MACROD2: variants seen among roughly 807,000 people sequenced by gnomAD.
MACROD2 encodes the protein ADP-ribose glycohydrolase MACROD2.
In MACROD2, 36 loss-of-function variants were observed where a neutral mutation model predicts 70.4. The ratio of observed to expected loss-of-function variants is 0.51; its 90% confidence interval spans 0.39 to 0.68. The LOEUF (loss-of-function observed/expected upper bound fraction) is 0.68, where lower values mean the gene tolerates loss of function less well. MACROD2 is among the 30% of genes least tolerant of loss of function. The pLI is 0.00. For missense variants in MACROD2, 496 were observed against 538.4 expected (o/e 0.92, Z 0.78); for synonymous variants, 172 against 178.8 (o/e 0.96, Z 0.30).
At chr20:15,355,869 G>A (rs2078281267) in intron 6 of MACROD2, among the ~76,000 whole-genome samples, 2 of 152,118 alleles carry the variant, frequency 1.3e-5, no homozygotes, top group South Asian at 2.1e-4. Context: ...TCTTGTGCAA[G>A]CATTAGGCCC....
chr20:15,544,338 G>T (rs1346974013), intron 8 of MACROD2, among the ~76,000 whole-genome samples: 4 of 152,178 alleles, frequency 2.6e-5, no homozygotes, highest in African/African-American at 9.7e-5. Context: ...CTTATTTTAA[G>T]AATATAGACT....
intron 10 of MACROD2, among the ~76,000 whole-genome samples, chr20:15,929,280 C>A (rs919552522): frequency 1.3e-5 from 2 of 152,174 alleles, no homozygotes; most frequent in African/African-American, 4.8e-5. Context: ...ATGTCAGGAA[C>A]ACAAGCAACA....
rs189197268 is a variant in MACROD2, at chr20:14,067,058, G to A, written c.164-18563G>A. On this transcript the variant is annotated intron_variant, in intron 2 of 17. Coordinates refer to ENST00000684519, the MANE Select transcript of MACROD2 (RefSeq NM_001351661.2). ...AATCTCCTGACCTCGTGATCCGCCC[G>A]TCTCGGCCTCCCAAAGTCCTGAGAT... Among the ~76,000 whole-genome samples the A allele has an allele frequency of 1.5e-4, 23 of 150,264 alleles. No homozygotes were observed. The East Asian group carries it at 3.2e-3, about 21-fold the overall frequency.
intron 3 of MACROD2, among the ~76,000 whole-genome samples, chr20:14,474,183 T>C (rs1437541461): frequency 6.6e-6 from 1 of 152,130 alleles, no homozygotes; most frequent in Non-Finnish European, 1.5e-5. Flanking sequence ...TTTCATTTAA[T>C]CCAATTTGTC....
chr20:14,510,743 C>G (rs1183300637), intron 4 of MACROD2, among the ~76,000 whole-genome samples: 1 of 152,076 alleles, frequency 6.6e-6, no homozygotes, highest in Non-Finnish European at 1.5e-5. Context: ...TAGCCTCTAT[C>G]TGATTTCCCT....
At chr20:15,193,752 C>G (rs989542519) in intron 5 of MACROD2, among the ~76,000 whole-genome samples, 2 of 151,916 alleles carry the variant, frequency 1.3e-5, no homozygotes, top group Non-Finnish European at 2.9e-5. Context: ...CGCTGTCACT[C>G]CTTCATTCTC....
chr20:15,807,225 C>T (rs2063777282), intron 8 of MACROD2, among the ~76,000 whole-genome samples: 1 of 152,118 alleles, frequency 6.6e-6, no homozygotes, highest in Non-Finnish European at 1.5e-5. Context: ...GACATAGGTC[C>T]CAGGAGTCTT....
chr20:14,890,629 G>A (rs923924018), intron 5 of MACROD2, among the ~76,000 whole-genome samples: 1 of 151,886 alleles, frequency 6.6e-6, no homozygotes, highest in Admixed American at 6.6e-5. Context: ...AGGCATGGTG[G>A]CACATTCCTG....
intron 5 of MACROD2, among the ~76,000 whole-genome samples, chr20:15,098,605 G>A (rs1370122687): frequency 2.6e-5 from 4 of 152,180 alleles, no homozygotes; most frequent in Non-Finnish European, 4.4e-5. Context: ...CATGCTTAGT[G>A]CCGTGAATAG....
chr20:15,041,590 C>G (rs139259701), intron 5 of MACROD2, among the ~76,000 whole-genome samples: 1 of 151,972 alleles, frequency 6.6e-6, no homozygotes, highest in Non-Finnish European at 1.5e-5. Context: ...TACCAACACA[C>G]CCATCACACC....
intron 8 of MACROD2, among the ~76,000 whole-genome samples, chr20:15,603,163 CATTA>C (rs2048846026): frequency 6.6e-6 from 1 of 151,920 alleles, no homozygotes; most frequent in Non-Finnish European, 1.5e-5. Context: ...TTGAAACACT[CATTA>C]ATTTTCTTTG....
chr20:14,864,541 T>C (rs2073406947), intron 5 of MACROD2, among the ~76,000 whole-genome samples: 1 of 152,140 alleles, frequency 6.6e-6, no homozygotes, highest in Non-Finnish European at 1.5e-5. Context: ...TTGCTTTCTA[T>C]AAAAACATAG....
chr20:14,553,140 A>G (rs1427752060), intron 4 of MACROD2, among the ~76,000 whole-genome samples: 1 of 151,516 alleles, frequency 6.6e-6, no homozygotes. Context: ...TTTTCTTTAT[A>G]TCCTTATTTT....
chr20:15,506,088 G>T (rs1052168126), intron 8 of MACROD2, among the ~76,000 whole-genome samples: 5 of 152,170 alleles, frequency 3.3e-5, no homozygotes, highest in Admixed American at 3.3e-4. Flanking sequence ...CAGATGTCCA[G>T]CTCGGCAAGT....
At chr20:14,758,083 A>G (rs974848221) in intron 5 of MACROD2, 34 of 445,186 alleles carry the variant, frequency 7.6e-5, no homozygotes, top group Non-Finnish European at 1.3e-4. Context: ...TTTGCATTGT[A>G]TAAACATCCA....
intron 4 of MACROD2, among the ~76,000 whole-genome samples, chr20:14,545,619 C>CA (rs1166380524): frequency 1.3e-5 from 2 of 152,144 alleles, no homozygotes; most frequent in Non-Finnish European, 2.9e-5. Flanking sequence ...CGGGTGTAAG[C>CA]AATAACTTTT....
At chr20:15,809,861 C>CTTT (rs56350068) in intron 8 of MACROD2, among the ~76,000 whole-genome samples, 35,605 of 141,730 alleles carry the variant, frequency 0.25, 4,388 homozygotes, top group African/African-American at 0.27. Context: ...GCCACCCTAT[C>CTTT]TTTTTTTTTT....
chr20:14,511,762 A>G (rs1336404670), intron 4 of MACROD2, among the ~76,000 whole-genome samples: 3 of 424 alleles, frequency 7.1e-3, no homozygotes, highest in African/African-American at 7.6e-3. Flanking sequence ...TGCTGACAGA[A>G]AAAAAAAAAG....
intron 5 of MACROD2, among the ~76,000 whole-genome samples, chr20:14,866,466 A>T (rs1262525336): frequency 6.6e-6 from 1 of 152,128 alleles, no homozygotes; most frequent in African/African-American, 2.4e-5. Flanking sequence ...AATGCTATAG[A>T]TGATGATTTT....
Sources: gnomAD v4.1 joint callset for allele counts (sites outside exome capture counted in the v4.1 genomes callset) on GRCh38, gnomAD v4.1.1 for gene constraint, MANE v1.5 for transcripts, NCBI Gene and HGNC (gene_info 2026-07-23, HGNC 2026-07-21) for gene names.